LEMD1: variants seen among roughly 807,000 people sequenced by gnomAD.
LEMD1 encodes the protein LEM domain containing 1, also known as LEM domain-containing protein 1.
Under a neutral mutation model 17.4 loss-of-function variants are expected in LEMD1, and 18 were observed. The ratio of observed to expected loss-of-function variants is 1.04; its 90% CI spans 0.72 to 1.54. The LOEUF (loss-of-function observed/expected upper bound fraction) is 1.54. LEMD1 is among the 40% of genes most tolerant of loss of function. LEMD1 has a pLI of 0.00. For missense variants in LEMD1, 195 were observed against 210.4 expected, an observed-to-expected ratio of 0.93 and a Z score of 0.45; for synonymous variants, 88 against 77.8, an observed-to-expected ratio of 1.13 and a Z score of -0.69.
At chr1:205,422,479 A>T (rs187114462), upstream of LEMD1, among the ~76,000 whole-genome samples, 1 of 152,368 alleles carries the variant, frequency 6.6e-6, no homozygotes. Context: ...AGAAAATAAG[A>T]AATCAGGATG....
In LEMD1 at chr1:205,384,271, C is replaced by T. The variant is rs895725414; in HGVS notation, c.347+17G>A. ...ACAATAATATCAATTTCCACATATG[C>T]TAAAAAACATCATTACCTTCTTCCC... On this transcript the variant is annotated intron_variant, in intron 5 of 5. Transcript: ENST00000367153. 11 of 1,428,442 alleles carry T rather than the reference C, an allele frequency of 7.7e-6. No individual in the cohort carries two copies. Among genetic ancestry groups the T allele is most frequent in the Non-Finnish European group, 1.0e-5 (11 of 1,072,996 alleles). 88.5% of individuals were successfully genotyped at this position (1,428,442 alleles called of 1,614,324 possible). A position where few individuals can be genotyped will look rare whatever the true frequency, so the allele number is the denominator to read the frequency against.
chr1:205,389,816 T>G (rs1664242417), intron 4 of LEMD1, among the ~76,000 whole-genome samples: 1 of 152,212 alleles, frequency 6.6e-6, no homozygotes, highest in Admixed American at 6.5e-5. Context: ...TAAAACTGAG[T>G]TAACTCCAAA....
At chr1:205,386,405 G>A (rs144755355) in intron 4 of LEMD1, 1,934 of 150,424 alleles carry the variant, frequency 0.013, 39 homozygotes, top group African/African-American at 0.045. Flanking sequence ...CCAGGTTCAC[G>A]CCATTCTCCT....
intron 4 of LEMD1, among the ~76,000 whole-genome samples, chr1:205,393,856 C>CAA (rs1159859243): frequency 0.031 from 1,943 of 63,680 alleles, 36 homozygotes; most frequent in African/African-American, 0.098. Context: ...GGTACCTAGC[C>CAA]AAAAAAAAAA....
intron 4 of LEMD1, among the ~76,000 whole-genome samples, chr1:205,396,596 T>A (rs34411626): frequency 0.21 from 32,266 of 151,980 alleles, 3,567 homozygotes; most frequent in Middle Eastern, 0.28. Flanking sequence ...AATAATTCTA[T>A]ATAGCAGTGA....
chr1:205,413,229 G>A (rs1665532186), intron 4 of LEMD1, among the ~76,000 whole-genome samples: 1 of 152,108 alleles, frequency 6.6e-6, no homozygotes, highest in Non-Finnish European at 1.5e-5. Flanking sequence ...CTCCTACTAT[G>A]TGCAAGACCC....
intron 4 of LEMD1, among the ~76,000 whole-genome samples, chr1:205,403,139 C>T (rs1664928870): frequency 6.6e-6 from 1 of 152,092 alleles, no homozygotes; most frequent in African/African-American, 2.4e-5. Context: ...CAATGTTCAT[C>T]AAGGATATTG....
chr1:205,434,685 C>T (rs1344036189), intron 1 of LEMD1, among the ~76,000 whole-genome samples: 3 of 152,246 alleles, frequency 2.0e-5, no homozygotes, highest in South Asian at 2.1e-4. Flanking sequence ...CCTGGGGTGT[C>T]TCCCAAAGCC....
chr1:205,412,376 A>C (rs1665491485), intron 4 of LEMD1, among the ~76,000 whole-genome samples: 2 of 152,198 alleles, frequency 1.3e-5, no homozygotes, highest in African/African-American at 4.8e-5. Context: ...TTAACGACCA[A>C]ATCCAATGGG....
chr1:205,444,587 T>C (rs921555554), intron 1 of LEMD1, among the ~76,000 whole-genome samples: 5 of 151,888 alleles, frequency 3.3e-5, no homozygotes, highest in African/African-American at 1.2e-4. Flanking sequence ...AGCATGAACA[T>C]GTGGAAGAAC....
rs575912461 is a variant in LEMD1 at position 205,396,334 on chromosome 1, T to C, written c.271-11970A>G. On this transcript the variant is annotated intron_variant, in intron 4 of 5. Transcript: ENST00000367153. ...GCCCCTGGAGTTCTTAATATATTAC[T>C]GGGGGAAGCAAAAAATGGTGCAACC... Among the ~76,000 whole-genome samples the C allele has an allele frequency of 1.9e-4, 29 of 152,160 alleles. 1 individual carries two copies. In the South Asian group the frequency reaches 5.8e-3, roughly 30 times the overall value.
Position 205,381,558 on chromosome 1 carries a change from A to C in LEMD1, c.*100T>G, listed in dbSNP as rs1249564261. ...CACAGTGCAAGGGAAGGCTCCCTGC[A>C]AGGGAGGGCTGCAGGCTAGGCTGGC... On this transcript the variant is annotated 3_prime_UTR_variant, in exon 6 of 6. Transcript: ENST00000367153. 1.7e-6 allele frequency: 2 copies of C among 1,154,280 alleles called. No homozygotes were observed. The highest frequency in any genetic ancestry group is 3.0e-5 in the African/African-American group (2 of 66,022). 71.5% of individuals were successfully genotyped at this position (1,154,280 alleles called of 1,614,324 possible). A position where few individuals can be genotyped will look rare whatever the true frequency, so the allele number is the denominator to read the frequency against.
At chr1:205,418,903 C>T (rs1665824354) in intron 3 of LEMD1, among the ~76,000 whole-genome samples, 1 of 152,216 alleles carries the variant, frequency 6.6e-6, no homozygotes, top group Non-Finnish European at 1.5e-5. Flanking sequence ...GAAGTTGAGT[C>T]CTCAAAGGAG....
chr1:205,393,790 A>G (rs1370788556), intron 4 of LEMD1, among the ~76,000 whole-genome samples: 1 of 151,368 alleles, frequency 6.6e-6, no homozygotes, highest in East Asian at 1.9e-4. Context: ...ACAGTTTGGT[A>G]CTTTCTCCGA....
chr1:205,404,148 TG>T (rs1664981728), intron 4 of LEMD1, among the ~76,000 whole-genome samples: 1 of 152,190 alleles, frequency 6.6e-6, no homozygotes, highest in Admixed American at 6.5e-5. Flanking sequence ...GAAATAGGTG[TG>T]GTGTGGTGCT....
chr1:205,392,356 A>C (rs1664384457), intron 4 of LEMD1, among the ~76,000 whole-genome samples: 1 of 149,230 alleles, frequency 6.7e-6, no homozygotes, highest in Non-Finnish European at 1.5e-5. Context: ...TGCGCAGCAA[A>C]GCAAGATCCC....
intron 4 of LEMD1, among the ~76,000 whole-genome samples, chr1:205,400,772 A>G (rs532641693): frequency 1.3e-5 from 2 of 151,352 alleles, no homozygotes; most frequent in African/African-American, 4.9e-5. Flanking sequence ...ATATGTATAC[A>G]TGTGCCATGC....
Position 205,432,652 on chromosome 1 carries a change from C to T in LEMD1, c.-38-12078G>A, listed in dbSNP as rs536214429. ...AGGGTCATTGCTAGCTCTGTCCGTGCGTACATACAGCCATGGGCAGAAGTC... is the reference window on the plus strand; with the variant it reads ...AGGGTCATTGCTAGCTCTGTCCGTGTGTACATACAGCCATGGGCAGAAGTC... On this transcript the variant is annotated intron_variant, in intron 1 of 3. Transcript: ENST00000367154. 1.4e-3 allele frequency among the ~76,000 whole-genome samples: 213 copies of T among 152,340 alleles called. 1 individual carries two copies. The highest frequency in any genetic ancestry group is 5.0e-3 in the African/African-American group (206 of 41,572).
intron 5 of LEMD1, among the ~76,000 whole-genome samples, chr1:205,382,442 T>C (rs1014671012): frequency 2.0e-5 from 3 of 152,066 alleles, no homozygotes; most frequent in Admixed American, 6.5e-5. Context: ...ATAAATTTTT[T>C]TGTAGAGACG....
Sources: allele counts gnomAD v4.1 joint callset (sites outside exome capture counted in the v4.1 genomes callset), GRCh38; gene constraint gnomAD v4.1.1; transcripts MANE v1.5; gene names NCBI Gene and HGNC (gene_info 2026-07-23, HGNC 2026-07-21).